PRKCA: variants seen among roughly 807,000 people sequenced by gnomAD.
PRKCA encodes protein kinase C alpha, also known as protein kinase C alpha type.
A neutral mutation model predicts 87.0 loss-of-function variants in PRKCA; 27 were observed. The observed-to-expected ratio is 0.31, with a 90% confidence interval of 0.23 to 0.43. The LOEUF (loss-of-function observed/expected upper bound fraction) is 0.43, where lower values mean the gene tolerates loss of function less well. Among genes scored for constraint, PRKCA ranks in the 20% least tolerant of loss-of-function variants. PRKCA has a pLI of 1.00. For synonymous variants in PRKCA, 329 were observed against 311.1 expected (o/e 1.06, Z -0.61); for missense variants, 518 against 852.3 (o/e 0.61, Z 4.88).
intron 13 of PRKCA, among the ~76,000 whole-genome samples, chr17:66,750,219 G>A (rs1415415445): frequency 1.3e-5 from 2 of 151,828 alleles, no homozygotes; most frequent in African/African-American, 2.4e-5. Flanking sequence ...CATGGGCCCC[G>A]CACCAGCCCA....
At chr17:66,696,575 T>A (rs1215768458) in intron 8 of PRKCA, 1 of 152,128 alleles carries the variant, frequency 6.6e-6, no homozygotes, top group African/African-American at 2.4e-5. Context: ...TTGCCCAAGT[T>A]TGGTTTTGAT....
At chr17:66,629,300 T>C (rs1970943377) in intron 3 of PRKCA, among the ~76,000 whole-genome samples, 1 of 152,184 alleles carries the variant, frequency 6.6e-6, no homozygotes, top group Non-Finnish European at 1.5e-5. Flanking sequence ...CAAATAATGT[T>C]ATACTATTTG....
At chr17:66,436,183 G>A (rs181212809) in intron 2 of PRKCA, among the ~76,000 whole-genome samples, 2 of 152,308 alleles carry the variant, frequency 1.3e-5, no homozygotes, top group East Asian at 3.9e-4. Context: ...AGAATCAAGA[G>A]GTTGGATGGC....
intron 1 of PRKCA, among the ~76,000 whole-genome samples, chr17:66,304,592 A>G (rs1403202986): frequency 1.3e-5 from 2 of 152,194 alleles, no homozygotes; most frequent in East Asian, 1.9e-4. Context: ...TAGGGTGAGC[A>G]TAGTATGGAT....
chr17:66,489,717 A>G (rs1916151492), intron 2 of PRKCA, among the ~76,000 whole-genome samples: 2 of 150,610 alleles, frequency 1.3e-5, no homozygotes, highest in African/African-American at 4.9e-5. Flanking sequence ...TCTTTCTTTC[A>G]TCCTTTCTTT....
At chr17:66,570,403 G>A (rs1355208856) in intron 3 of PRKCA, among the ~76,000 whole-genome samples, 1 of 152,126 alleles carries the variant, frequency 6.6e-6, no homozygotes, top group African/African-American at 2.4e-5. Context: ...TTTTAGAAAT[G>A]CCTTCAGTAT....
In PRKCA at chr17:66,354,405, T is replaced by G. The variant is rs570517254; in HGVS notation, c.205+48278T>G. Among the ~76,000 whole-genome samples the G allele has an allele frequency of 5.3e-5, 8 of 152,338 alleles. No homozygotes were observed. The East Asian group carries it at 1.3e-3, about 26-fold the overall frequency. The stretch of plus-strand genomic sequence containing the variant: ...AGCATGGTAGTGGTTTAATCAATAC[T>G]GTTGGTGGTGTAAATGGATGAATGG... On this transcript the variant is annotated intron_variant, in intron 2 of 16. Coordinates refer to ENST00000413366, the MANE Select transcript of PRKCA (RefSeq NM_002737.3).
chr17:66,796,917 T>C (rs951746600), intron 16 of PRKCA: 1 of 985,322 alleles, frequency 1.0e-6, no homozygotes, highest in Non-Finnish European at 1.2e-6. Context: ...TTAGGTTTCC[T>C]TTCTCCATAG....
chr17:66,708,224 A>T (rs1222673113), intron 8 of PRKCA, among the ~76,000 whole-genome samples: 1 of 152,186 alleles, frequency 6.6e-6, no homozygotes, highest in Non-Finnish European at 1.5e-5. Context: ...CACTTAATTG[A>T]AAACGAAGTG....
rs563173887 is a variant in PRKCA at position 66,711,318 on chromosome 17, T to C, written c.919-21370T>C. 7.2e-5 allele frequency among the ~76,000 whole-genome samples: 11 copies of C among 152,368 alleles called. No individual in the cohort carries two copies. The East Asian group carries it at 1.3e-3, about 19-fold the overall frequency. Reference sequence around the variant, plus strand: ...TTTACACTACATGAGTGTGTTCATATGGATGATGTAGTGTAATATATCATA... The same window carrying C: ...TTTACACTACATGAGTGTGTTCATACGGATGATGTAGTGTAATATATCATA... On this transcript the variant is annotated intron_variant, in intron 8 of 16. Coordinates refer to ENST00000413366, the MANE Select transcript of PRKCA (RefSeq NM_002737.3).
chr17:66,536,016 A>G (rs1370235028), intron 3 of PRKCA, among the ~76,000 whole-genome samples: 1 of 152,158 alleles, frequency 6.6e-6, no homozygotes, highest in East Asian at 1.9e-4. Flanking sequence ...TTGGATAGCT[A>G]TTGGCTTCTG....
At chr17:66,535,064 C>T (rs1376272863) in intron 3 of PRKCA, among the ~76,000 whole-genome samples, 1 of 152,166 alleles carries the variant, frequency 6.6e-6, no homozygotes, top group African/African-American at 2.4e-5. Flanking sequence ...GTGAATTATT[C>T]CTCAAATTAT....
chr17:66,453,198 G>T (rs185759993), intron 2 of PRKCA, among the ~76,000 whole-genome samples: 1 of 152,298 alleles, frequency 6.6e-6, no homozygotes, highest in East Asian at 1.9e-4. Flanking sequence ...CAGAGGCTCT[G>T]GGGTAAGGCA....
At chr17:66,343,059 G>A (rs1907138752) in intron 2 of PRKCA, among the ~76,000 whole-genome samples, 1 of 151,914 alleles carries the variant, frequency 6.6e-6, no homozygotes, top group Non-Finnish European at 1.5e-5. Flanking sequence ...AATATGCCAA[G>A]ATGTTTAAAG....
chr17:66,755,288 C>T (rs1172594985), intron 13 of PRKCA, among the ~76,000 whole-genome samples: 2 of 152,286 alleles, frequency 1.3e-5, no homozygotes, highest in Middle Eastern at 3.4e-3. Flanking sequence ...CATGGGGTGG[C>T]GGTGGGGAGA....
intron 2 of PRKCA, among the ~76,000 whole-genome samples, chr17:66,414,169 C>T (rs1412934398): frequency 1.3e-5 from 2 of 152,110 alleles, no homozygotes; most frequent in African/African-American, 4.8e-5. Flanking sequence ...CCACCCACAT[C>T]TCATAGGAAT....
chr17:66,373,307 G>A (rs1598622633), intron 2 of PRKCA, among the ~76,000 whole-genome samples: 1 of 152,074 alleles, frequency 6.6e-6, no homozygotes, highest in Admixed American at 6.5e-5. Context: ...TAATCCTCCC[G>A]TAAACCTGTG....
chr17:66,725,648 A>G (rs976606022), intron 8 of PRKCA, among the ~76,000 whole-genome samples: 5 of 120,036 alleles, frequency 4.2e-5, no homozygotes, highest in Admixed American at 4.1e-4. Flanking sequence ...GCATGTCTAC[A>G]AAAAAAAAAA....
intron 5 of PRKCA, among the ~76,000 whole-genome samples, chr17:66,652,718 A>G (rs9905312): frequency 0.58 from 87,534 of 151,932 alleles, 25,283 homozygotes; most frequent in Admixed American, 0.6. Flanking sequence ...TCTATGTCTG[A>G]AGCTTTGTTT....
Sources: gnomAD v4.1 joint callset for allele counts (sites outside exome capture counted in the v4.1 genomes callset) on GRCh38, gnomAD v4.1.1 for gene constraint, MANE v1.5 for transcripts, NCBI Gene and HGNC (gene_info 2026-07-23, HGNC 2026-07-21) for gene names.